The following FAM20C variants were observed in gnomAD, a reference collection of about 807,000 sequenced individuals.
The protein encoded by FAM20C is FAM20C golgi associated secretory pathway kinase.
In FAM20C, 40 loss-of-function variants were observed where a neutral mutation model predicts 51.5. The ratio of observed to expected loss-of-function variants is 0.78; its 90% confidence interval spans 0.60 to 1.01. FAM20C has a LOEUF of 1.01. Among genes scored for constraint, FAM20C ranks in the 50% least tolerant of loss-of-function variants. The pLI, the probability that FAM20C is intolerant of heterozygous loss-of-function variation, is 0.00. For missense variants in FAM20C, 861 were observed against 844.7 expected, an observed-to-expected ratio of 1.02 and a Z score of -0.24; for synonymous variants, 406 against 380.6, an observed-to-expected ratio of 1.07 and a Z score of -0.78.
At chr7:210,676 C>T (rs746899253) in intron 3 of FAM20C, among the ~76,000 whole-genome samples, 8 of 152,116 alleles carry the variant, frequency 5.3e-5, no homozygotes, top group Admixed American at 1.3e-4. Flanking sequence ...GGCCCCGTCA[C>T]GCCGAGCTAC....
At chr7:210,490 C>A (rs1786659405) in intron 3 of FAM20C, among the ~76,000 whole-genome samples, 1 of 152,250 alleles carries the variant, frequency 6.6e-6, no homozygotes, top group African/African-American at 2.4e-5. Context: ...TGGACCCTTC[C>A]GCTGGCAGTA....
chr7:247,550 C>T lies in FAM20C; in HGVS notation c.957-765C>T, dbSNP rs147744365. Among the ~76,000 whole-genome samples, 602 of 152,288 alleles carry T rather than the reference C, an allele frequency of 4.0e-3. 3 individuals are homozygous for T. The Middle Eastern group carries it at 0.051, about 13-fold the overall frequency. ...CAAGATCCCTAGTGACGCGGGCGTA[C>T]ATTGGAGTTTAAAGGGCTTTTTTAA... On this transcript the variant is annotated intron_variant, in intron 4 of 9. Coordinates refer to ENST00000313766, the MANE Select transcript of FAM20C (RefSeq NM_020223.4).
intron 6 of FAM20C, 33 bp downstream of exon 6, chr7:256,062 C>T (rs1468458347): frequency 3.9e-6 from 6 of 1,527,212 alleles, no homozygotes; most frequent in Middle Eastern, 2.0e-4. Flanking sequence ...GGCGTCCGGC[C>T]ACCCTACGGC....
In FAM20C at chr7:193,037, G is replaced by T; in HGVS notation, c.-163G>T. 1 of 374,746 alleles carries T rather than the reference G, an allele frequency of 2.7e-6. No homozygotes were observed. Among genetic ancestry groups the T allele is most frequent in the Non-Finnish European group, 4.1e-6 (1 of 245,914 alleles). The allele number at this position is 374,746 out of a possible 1,614,324, so 23.2% of individuals were successfully genotyped here. On this transcript the variant is annotated 5_prime_UTR_variant, in exon 1 of 10. Coordinates refer to ENST00000313766, the MANE Select transcript of FAM20C (RefSeq NM_020223.4). ...CGCGGGGACCCAGCGCTCCGGCGGC[G>T]GGCGCCCTGCACGCGGCCCGGGCCC... is the stretch of plus-strand genomic sequence containing the variant.
chr7:257,764 A>T (rs376056629), intron 8 of FAM20C, among the ~76,000 whole-genome samples: 4,228 of 52,594 alleles, frequency 0.08, 80 homozygotes, highest in African/African-American at 0.098. Context: ...GGAGATGGGC[A>T]GGGTGGACCC....
chr7:256,070 G>A (rs775008063), intron 6 of FAM20C, 41 bp downstream of exon 6: 14 of 1,526,358 alleles, frequency 9.2e-6, no homozygotes, highest in East Asian at 2.5e-5. Flanking sequence ...GCCACCCTAC[G>A]GCAGAGGGAG....
At chr7:228,795 C>T (rs1017926023) in intron 3 of FAM20C, 9 of 456,084 alleles carry the variant, frequency 2.0e-5, no homozygotes, top group Admixed American at 7.0e-5. Context: ...CTCCTGCTGA[C>T]GGCATGAGTG....
At position 260,053 on chromosome 7, in the gene FAM20C, C is replaced by CGTGAATTCA. The variant is rs1788821354; in HGVS notation, c.*84_*92dup. On this transcript the variant is annotated 3_prime_UTR_variant, in exon 10 of 10. Coordinates refer to ENST00000313766, the MANE Select transcript of FAM20C (RefSeq NM_020223.4). ...CCTCCCAGCAAGCGCATGCGCCCGT[C>CGTGAATTCA]GTGAATTCAGTGAATTCAGAGGCAG... 5 of 1,427,684 alleles carry CGTGAATTCA rather than the reference C, an allele frequency of 3.5e-6. No individual in the cohort carries two copies. Among genetic ancestry groups the CGTGAATTCA allele is most frequent in the Non-Finnish European group, 4.6e-6 (5 of 1,089,742 alleles). The allele number at this position is 1,427,684 out of a possible 1,614,324, so 88.4% of individuals were successfully genotyped here.
intron 2 of FAM20C, among the ~76,000 whole-genome samples, chr7:206,538 C>A (rs1271473342): frequency 8.8e-6 from 1 of 113,838 alleles, no homozygotes; most frequent in Admixed American, 8.7e-5. Context: ...CTCGGCCCTG[C>A]ACACGTGTCC....
intron 2 of FAM20C, among the ~76,000 whole-genome samples, chr7:205,579 C>G (rs972783420): frequency 6.6e-6 from 1 of 152,134 alleles, no homozygotes; most frequent in Non-Finnish European, 1.5e-5. Flanking sequence ...GCGGGAGGTG[C>G]AGACCCCTCA....
chr7:228,988 A>G, intron 3 of FAM20C: 1 of 373,372 alleles, frequency 2.7e-6, no homozygotes, highest in South Asian at 1.9e-5. Context: ...TAGCGACACC[A>G]GGACCCGTAG....
At chr7:220,092 GC>G (rs2115094740) in intron 3 of FAM20C, among the ~76,000 whole-genome samples, 1 of 152,280 alleles carries the variant, frequency 6.6e-6, no homozygotes, top group Non-Finnish European at 1.5e-5. Context: ...CCTGGGGGAA[GC>G]CAAGCCAAGA....
rs1180894013 is a variant in FAM20C at position 193,271 on chromosome 7, C to G, written c.72C>G (p.His24Gln). ...TGTTCCTGGTGGCCTGCGCGCTGCA[C>G]ATCGCCCTGGACCTGCTGCCCAGGC... ...LMVFLVACALHIALDLLPRLE... is the reference protein window; with the variant it reads ...LMVFLVACALQIALDLLPRLE... Residue 24 changes from histidine to glutamine, a missense_variant, in exon 1 of 10, where the codon CAC becomes CAG. Around this residue, in one of 3 missense-constraint regions of FAM20C, gnomAD observed 561 missense variants for 499.8 expected, o/e 1.12. Coordinates refer to ENST00000313766, the MANE Select transcript of FAM20C (RefSeq NM_020223.4). 2 of 1,464,116 alleles carry G rather than the reference C, an allele frequency of 1.4e-6. No individual in the cohort carries two copies. The allele number at this position is 1,464,116 out of a possible 1,614,324, so 90.7% of individuals were successfully genotyped here. A position where few individuals can be genotyped will look rare whatever the true frequency, so the allele number is the denominator to read the frequency against.
chr7:241,005 A>T (rs1198838547), intron 3 of FAM20C, among the ~76,000 whole-genome samples: 1 of 152,100 alleles, frequency 6.6e-6, no homozygotes, highest in Non-Finnish European at 1.5e-5. Context: ...CATATTCTAG[A>T]GGGAACTGGT....
intron 3 of FAM20C, among the ~76,000 whole-genome samples, chr7:214,526 C>T (rs749634300): frequency 1.1e-4 from 16 of 152,198 alleles, no homozygotes; most frequent in African/African-American, 9.7e-5. Context: ...GCACTTGGCA[C>T]GGTCAGCGGA....
chr7:253,660 C>T (rs543233600), intron 5 of FAM20C, among the ~76,000 whole-genome samples: 45 of 152,232 alleles, frequency 3.0e-4, no homozygotes, highest in Non-Finnish European at 5.9e-4. Flanking sequence ...CCCCGCTTCC[C>T]GGGCGAGGGG....
At chr7:198,472 C>T (rs779022508) in intron 2 of FAM20C, among the ~76,000 whole-genome samples, 1 of 152,184 alleles carries the variant, frequency 6.6e-6, no homozygotes, top group South Asian at 2.1e-4. Flanking sequence ...TATTTAGGGG[C>T]AAAACCTAAA....
intron 3 of FAM20C, among the ~76,000 whole-genome samples, chr7:217,746 G>C (rs1036113069): frequency 3.3e-5 from 5 of 152,166 alleles, no homozygotes; most frequent in East Asian, 1.9e-4. Flanking sequence ...AGAAAGACGG[G>C]AGAACAATGA....
At chr7:256,464 C>A in intron 6 of FAM20C, 190 bp from the exon 7 acceptor site, 1 of 606,634 alleles carries the variant, frequency 1.6e-6, no homozygotes. Context: ...CACCCCGAGG[C>A]AGGGCAGAGC....
Sources: allele counts gnomAD v4.1 joint callset (sites outside exome capture counted in the v4.1 genomes callset), GRCh38; gene constraint gnomAD v4.1.1; regional missense constraint gnomAD v4.1.1; transcripts MANE v1.5; gene names NCBI Gene and HGNC (gene_info 2026-07-23, HGNC 2026-07-21).